The following CFAP47 variants were observed in gnomAD, a reference collection of about 807,000 sequenced individuals.
CFAP47 encodes cilia and flagella associated protein 47, also known as cilia- and flagella-associated protein 47.
CFAP47 carries 29 observed loss-of-function variants against 148.1 expected under a neutral mutation model. The observed-to-expected ratio is 0.20, with a 90% confidence interval of 0.15 to 0.27. The LOEUF (loss-of-function observed/expected upper bound fraction) is 0.27, where lower values mean the gene tolerates loss of function less well. Among genes scored for constraint, CFAP47 ranks in the 10% least tolerant of loss-of-function variants. The pLI, the probability that CFAP47 is intolerant of heterozygous loss-of-function variation, is 1.00. For synonymous variants in CFAP47, 664 were observed against 577.3 expected (o/e 1.15, Z -2.15); for missense variants, 1,872 against 1,697.5 (o/e 1.10, Z -1.81).
chrX:36,122,678 A>C (rs188980346), intron 33 of CFAP47, among the ~76,000 whole-genome samples: 244 of 111,456 alleles, frequency 2.2e-3, no homozygotes, highest in Non-Finnish European at 3.1e-3. Context: ...TGTTAAACTT[A>C]CCTGATATAA....
chrX:36,113,026 G>A (rs1938579943), intron 33 of CFAP47, among the ~76,000 whole-genome samples: 1 of 111,630 alleles, frequency 9.0e-6, no homozygotes, highest in African/African-American at 3.3e-5. Context: ...TATACCAATG[G>A]GTCTTGGTTC....
chrX:36,009,720 A>G (rs1041908689), intron 21 of CFAP47, among the ~76,000 whole-genome samples: 6 of 112,186 alleles, frequency 5.3e-5, no homozygotes, highest in Non-Finnish European at 1.1e-4. Context: ...TTAAAGTTAA[A>G]TAAAAATAGA....
intron 60 of CFAP47, among the ~76,000 whole-genome samples, chrX:36,356,954 G>A (rs1267691326): frequency 8.9e-6 from 1 of 112,218 alleles, no homozygotes; most frequent in African/African-American, 3.2e-5. Flanking sequence ...AAAATGACTT[G>A]GAACTGTGGA....
At chrX:35,991,413 T>C (rs1421852398) in intron 16 of CFAP47, among the ~76,000 whole-genome samples, 1 of 110,668 alleles carries the variant, frequency 9.0e-6, no homozygotes, top group Admixed American at 9.7e-5. Context: ...CACCAGTATC[T>C]AGATATTTTA....
Position 35,969,004 on chromosome X carries a change from T to C in CFAP47, c.1814+1172T>C, listed in dbSNP as rs766622144. Among the ~76,000 whole-genome samples the C allele has an allele frequency of 3.8e-4, 42 of 110,047 alleles. 1 individual carries two copies. The highest frequency in any genetic ancestry group is 7.2e-4 in the Non-Finnish European group (38 of 52,764). On this transcript the variant is annotated intron_variant, in intron 10 of 63. Transcript: ENST00000378653. ...CTATGTATCTACATATGTATATATGTATATATCTATATATGTATATAGAGA... is the reference window on the plus strand; with the variant it reads ...CTATGTATCTACATATGTATATATGCATATATCTATATATGTATATAGAGA...
chrX:36,051,572 T>C (rs990133299), intron 26 of CFAP47, among the ~76,000 whole-genome samples: 1 of 111,632 alleles, frequency 9.0e-6, no homozygotes, highest in South Asian at 3.7e-4. Context: ...CCAATACCTG[T>C]CCCCCATTAT....
At chrX:36,049,018 G>C (rs1478432830) in intron 26 of CFAP47, among the ~76,000 whole-genome samples, 1 of 111,097 alleles carries the variant, frequency 9.0e-6, no homozygotes, top group African/African-American at 3.3e-5. Flanking sequence ...GAGAAATAGG[G>C]TGAGAACCAG....
At chrX:35,942,296 C>T (rs1055580909) in intron 3 of CFAP47, among the ~76,000 whole-genome samples, 1 of 111,298 alleles carries the variant, frequency 9.0e-6, no homozygotes, top group Non-Finnish European at 1.9e-5. Context: ...CTGGGGCCAC[C>T]TGATTGAGCA....
intron 37 of CFAP47, among the ~76,000 whole-genome samples, chrX:36,157,403 G>A (rs111457780): frequency 3.6e-5 from 4 of 111,794 alleles, no homozygotes; most frequent in African/African-American, 1.3e-4. Context: ...CTAAGATTTA[G>A]CATTACTGGC....
chrX:36,142,329 A>T (rs1939156911), intron 35 of CFAP47, among the ~76,000 whole-genome samples: 1 of 111,286 alleles, frequency 9.0e-6, no homozygotes. Context: ...TTAATTTACC[A>T]GATTTATTGA....
intron 22 of CFAP47, among the ~76,000 whole-genome samples, chrX:36,021,330 G>GT (rs201032819): frequency 0.016 from 1,783 of 109,826 alleles, 45 homozygotes; most frequent in African/African-American, 0.056. Context: ...TTGAGATGGT[G>GT]TCTTGCTTTG....
At position 35,961,666 on chromosome X, in the gene CFAP47, A is replaced by T. The variant is rs374638715; in HGVS notation, c.1411-4899A>T. 9.0e-5 allele frequency among the ~76,000 whole-genome samples: 10 copies of T among 111,102 alleles called. No homozygotes were observed. The East Asian group carries it at 1.7e-3, about 19-fold the overall frequency. On this transcript the variant is annotated intron_variant, in intron 8 of 63. Transcript: ENST00000378653. Reference sequence around the variant, plus strand: ...TTTTACTGGTGTAAAGTTGGTAGTGATGTCCTCTCTTTTATTCCTGATTTT... The same window carrying T: ...TTTTACTGGTGTAAAGTTGGTAGTGTTGTCCTCTCTTTTATTCCTGATTTT...
At chrX:36,241,973 G>A (rs190308081) in intron 48 of CFAP47, among the ~76,000 whole-genome samples, 2 of 111,626 alleles carry the variant, frequency 1.8e-5, no homozygotes, top group Non-Finnish European at 3.8e-5. Context: ...GAGCACACAT[G>A]CAAACATGAG....
intron 37 of CFAP47, among the ~76,000 whole-genome samples, chrX:36,155,625 T>A (rs1939357917): frequency 9.0e-6 from 1 of 111,709 alleles, no homozygotes; most frequent in Non-Finnish European, 1.9e-5. Context: ...ACTCCTCTTA[T>A]ATCATTTAAC....
chrX:36,315,989 A>C (rs1941430411), intron 56 of CFAP47, among the ~76,000 whole-genome samples: 1 of 111,589 alleles, frequency 9.0e-6, no homozygotes, highest in South Asian at 3.8e-4. Context: ...AAGGAGGATA[A>C]AATTGATTAA....
At chrX:36,301,017 A>T in intron 52 of CFAP47, 55 bp from the exon 53 acceptor site, 3 of 735,592 alleles carry the variant, frequency 4.1e-6, no homozygotes. Context: ...CTTCTGCCCA[A>T]TTTATTACAC....
rs782618340 is a variant in CFAP47, at chrX:36,328,816, CAAA to C, written c.8443+9526_8443+9528del. ...TGGGTGACAGAGCGAGACTCTGTCT[CAAA>C]AAAAAAAAAAAAAAAAGAAAAGCAA... On this transcript the variant is annotated intron_variant, in intron 57 of 63. Coordinates refer to ENST00000378653, the MANE Select transcript of CFAP47 (RefSeq NM_001304548.2). Among the ~76,000 whole-genome samples, 518 of 56,437 alleles carry C rather than the reference CAAA, an allele frequency of 9.2e-3. 1 individual carries two copies. The highest frequency in any genetic ancestry group is 0.034 in the African/African-American group (497 of 14,449). The allele number at this position is 56,437 out of a possible 115,157, so 49.0% of individuals were successfully genotyped here. A position where few individuals can be genotyped will look rare whatever the true frequency, so the allele number is the denominator to read the frequency against.
intron 22 of CFAP47, among the ~76,000 whole-genome samples, chrX:36,022,953 G>A (rs754085114): frequency 8.9e-6 from 1 of 112,031 alleles, no homozygotes; most frequent in Non-Finnish European, 1.9e-5. Context: ...GATTCTCCAG[G>A]ATTGGTCCCT....
chrX:36,275,155 T>G (rs1378107228), intron 49 of CFAP47, among the ~76,000 whole-genome samples: 1 of 110,720 alleles, frequency 9.0e-6, no homozygotes, highest in African/African-American at 3.3e-5. Context: ...GGCACCATCC[T>G]GGCTCACTGC....
Sources: allele counts gnomAD v4.1 joint callset (sites outside exome capture counted in the v4.1 genomes callset), GRCh38; gene constraint gnomAD v4.1.1; transcripts MANE v1.5; gene names NCBI Gene and HGNC (gene_info 2026-07-23, HGNC 2026-07-21).